TMEFF2: variants seen among roughly 807,000 people sequenced by gnomAD.
TMEFF2 encodes the protein tomoregulin-2.
A neutral mutation model predicts 53.8 loss-of-function variants in TMEFF2; 28 were observed. The observed-to-expected ratio is 0.52, with a 90% CI of 0.39 to 0.71. The LOEUF (loss-of-function observed/expected upper bound fraction) is 0.71. Among genes scored for constraint, TMEFF2 ranks in the 30% least tolerant of loss-of-function variants. The probability of loss-of-function intolerance (pLI) is 0.00; values close to 1 mark genes in which losing one functional copy is unlikely to be tolerated. For missense variants in TMEFF2, 353 were observed against 455.2 expected (o/e 0.78, Z 2.04); for synonymous variants, 162 against 166.3 (o/e 0.97, Z 0.20).
At chr2:192,074,549 C>CA (rs1305008614) in intron 4 of TMEFF2, among the ~76,000 whole-genome samples, 1 of 151,806 alleles carries the variant, frequency 6.6e-6, no homozygotes, top group Non-Finnish European at 1.5e-5. Flanking sequence ...AAATGGAAAT[C>CA]AAATGTTCTA....
At chr2:192,003,936 G>GT (rs1249833801) in intron 5 of TMEFF2, among the ~76,000 whole-genome samples, 1 of 149,428 alleles carries the variant, frequency 6.7e-6, no homozygotes, top group Non-Finnish European at 1.5e-5. Context: ...TGTGGGGGGG[G>GT]GGCTCACACT....
At chr2:192,019,489 GA>G (rs1029178178) in intron 5 of TMEFF2, among the ~76,000 whole-genome samples, 3 of 151,900 alleles carry the variant, frequency 2.0e-5, no homozygotes, top group Admixed American at 6.5e-5. Context: ...CTTAAGGAAG[GA>G]AAAGATAACT....
At chr2:192,170,238 C>T (rs1416305669) in intron 4 of TMEFF2, among the ~76,000 whole-genome samples, 1 of 151,990 alleles carries the variant, frequency 6.6e-6, no homozygotes, top group Non-Finnish European at 1.5e-5. Context: ...CAACGAGTTG[C>T]CACCACTACC....
chr2:192,101,054 T>C (rs752411501), intron 4 of TMEFF2, among the ~76,000 whole-genome samples: 28 of 152,330 alleles, frequency 1.8e-4, no homozygotes, highest in Non-Finnish European at 3.7e-4. Flanking sequence ...CTGTGTTTTA[T>C]GAAGAACAGA....
At position 191,966,709 on chromosome 2, in the gene TMEFF2, CCTTA is replaced by C. The variant is rs552188035; in HGVS notation, c.746-10335_746-10332del. Among the ~76,000 whole-genome samples the C allele has an allele frequency of 1.2e-3, 183 of 152,242 alleles. 1 individual carries two copies. Among genetic ancestry groups the C allele is most frequent in the African/African-American group, 4.1e-3 (170 of 41,572 alleles). ...GTATTTTAAATTAATAAAACATTTT[CCTTA>C]CTTGTCAGCTTCAGAATAAAACCAT... On this transcript the variant is annotated intron_variant, in intron 7 of 9. Transcript: ENST00000272771.
At chr2:192,048,578 G>A (rs1019052138) in intron 5 of TMEFF2, among the ~76,000 whole-genome samples, 5 of 151,710 alleles carry the variant, frequency 3.3e-5, no homozygotes, top group African/African-American at 1.2e-4. Flanking sequence ...GAACATAAGA[G>A]GCTTCACATC....
intron 5 of TMEFF2, among the ~76,000 whole-genome samples, chr2:192,049,619 A>C (rs1021508287): frequency 1.3e-5 from 2 of 152,196 alleles, no homozygotes; most frequent in Admixed American, 6.5e-5. Context: ...ATAGAGAGTG[A>C]GTTTAATGAG....
At chr2:191,986,246 A>G (rs867665367) in intron 7 of TMEFF2, among the ~76,000 whole-genome samples, 1 of 152,192 alleles carries the variant, frequency 6.6e-6, no homozygotes, top group African/African-American at 2.4e-5. Context: ...TCATTAAACA[A>G]TCTTTCAAAC....
intron 2 of TMEFF2, among the ~76,000 whole-genome samples, chr2:192,188,825 TTCTA>T (rs34743733): frequency 0.065 from 2,011 of 31,116 alleles, 18 homozygotes; most frequent in South Asian, 0.11. Context: ...CTCCCCGCTT[TTCTA>T]TCTATCTATC....
intron 4 of TMEFF2, chr2:192,179,457 AC>A (rs1691132526): frequency 2.4e-6 from 1 of 418,386 alleles, no homozygotes; most frequent in African/African-American, 2.1e-5. Context: ...AGGAAGGTTA[AC>A]TGGAGATAGA....
intron 1 of TMEFF2, among the ~76,000 whole-genome samples, chr2:192,193,775 G>T (rs776436511): frequency 0.017 from 727 of 43,034 alleles, 11 homozygotes; most frequent in African/African-American, 0.035. Context: ...GAGAGAGAGA[G>T]AGAGAGAGAG....
At chr2:192,084,877 C>T (rs1688633033) in intron 4 of TMEFF2, among the ~76,000 whole-genome samples, 1 of 152,170 alleles carries the variant, frequency 6.6e-6, no homozygotes, top group African/African-American at 2.4e-5. Flanking sequence ...CACTGAATTA[C>T]AGGCACTTTT....
chr2:192,164,906 C>T (rs747122795), intron 4 of TMEFF2, among the ~76,000 whole-genome samples: 5 of 151,744 alleles, frequency 3.3e-5, no homozygotes, highest in Non-Finnish European at 7.4e-5. Context: ...GTTATCAATG[C>T]TCAGAGTACA....
chr2:192,174,219 A>G (rs1386268161), intron 4 of TMEFF2, among the ~76,000 whole-genome samples: 2 of 151,824 alleles, frequency 1.3e-5, no homozygotes, highest in African/African-American at 4.8e-5. Context: ...GATTCAGACA[A>G]AAGTTTGTAG....
chr2:192,146,663 G>T (rs180836324), intron 4 of TMEFF2, among the ~76,000 whole-genome samples: 527 of 152,098 alleles, frequency 3.5e-3, no homozygotes, highest in East Asian at 0.011. Context: ...ATGTGTGTGT[G>T]TGTAAGTTAT....
rs1233334133 is a variant in TMEFF2 at position 192,163,995 on chromosome 2, G to A, written c.439+15673C>T. ...CCTTTGTTGCCACCATATTATTCAGGTCAGGATCCTCTTTGCCTGCTCCAC... is the reference window on the plus strand; with the variant it reads ...CCTTTGTTGCCACCATATTATTCAGATCAGGATCCTCTTTGCCTGCTCCAC... On this transcript the variant is annotated intron_variant, in intron 4 of 9. Transcript: ENST00000272771. 2.6e-5 allele frequency among the ~76,000 whole-genome samples: 4 copies of A among 152,188 alleles called. No individual in the cohort carries two copies. The East Asian group carries it at 5.8e-4, about 22-fold the overall frequency.
At chr2:192,135,468 T>C (rs937070037) in intron 4 of TMEFF2, among the ~76,000 whole-genome samples, 1 of 152,154 alleles carries the variant, frequency 6.6e-6, no homozygotes, top group African/African-American at 2.4e-5. Context: ...CAAATGTTTC[T>C]TCTAACAACC....
At chr2:192,144,606 G>C (rs961258511) in intron 4 of TMEFF2, among the ~76,000 whole-genome samples, 2 of 152,054 alleles carry the variant, frequency 1.3e-5, no homozygotes, top group African/African-American at 4.8e-5. Flanking sequence ...GTGCAAGTAC[G>C]TTTTAACATT....
intron 4 of TMEFF2, among the ~76,000 whole-genome samples, chr2:192,131,668 C>T (rs1233140671): frequency 6.6e-6 from 1 of 152,144 alleles, no homozygotes; most frequent in African/African-American, 2.4e-5. Context: ...CTACTCTTTT[C>T]CCTGGGCTTG....
Sources: gnomAD v4.1 joint callset for allele counts (sites outside exome capture counted in the v4.1 genomes callset) on GRCh38, gnomAD v4.1.1 for gene constraint, MANE v1.5 for transcripts, NCBI Gene and HGNC (gene_info 2026-07-23, HGNC 2026-07-21) for gene names.